Variants in ZFPM2 observed in about 807,000 individuals in gnomAD.
The protein encoded by ZFPM2 is zinc finger protein ZFPM2.
In ZFPM2, 20 loss-of-function variants were observed where a neutral mutation model predicts 98.6. The ratio of observed to expected loss-of-function variants is 0.20; its 90% CI spans 0.14 to 0.29. The LOEUF is 0.29. Among genes scored for constraint, ZFPM2 ranks in the 10% least tolerant of loss-of-function variants. The probability of loss-of-function intolerance (pLI) is 1.00; values close to 1 mark genes in which losing one functional copy is unlikely to be tolerated. For missense variants in ZFPM2, 1,310 were observed against 1,388.6 expected, an observed-to-expected ratio of 0.94 and a Z score of 0.90; for synonymous variants, 518 against 502.7, an observed-to-expected ratio of 1.03 and a Z score of -0.41.
At chr8:105,501,189 T>C (rs924858470) in intron 3 of ZFPM2, among the ~76,000 whole-genome samples, 1 of 151,268 alleles carries the variant, frequency 6.6e-6, no homozygotes, top group African/African-American at 2.4e-5. Context: ...TTTCTCTTTT[T>C]TTTTTTTTTT....
chr8:105,340,442 G>C (rs1251283411), intron 1 of ZFPM2, among the ~76,000 whole-genome samples: 1 of 151,812 alleles, frequency 6.6e-6, no homozygotes, highest in African/African-American at 2.4e-5. Context: ...AGAAACTCTG[G>C]CAATCATATA....
At chr8:105,774,814 C>T (rs1052104018) in intron 5 of ZFPM2, among the ~76,000 whole-genome samples, 1 of 152,038 alleles carries the variant, frequency 6.6e-6, no homozygotes, top group African/African-American at 2.4e-5. Flanking sequence ...GGCAGAATTT[C>T]TTCTAAGAAA....
At chr8:105,540,853 G>C (rs1421939785) in intron 3 of ZFPM2, among the ~76,000 whole-genome samples, 1 of 152,102 alleles carries the variant, frequency 6.6e-6, no homozygotes, top group Non-Finnish European at 1.5e-5. Flanking sequence ...GAAGATTGCA[G>C]CTGGAAGTAT....
At chr8:105,478,170 T>A (rs1328160399) in intron 3 of ZFPM2, among the ~76,000 whole-genome samples, 1 of 152,196 alleles carries the variant, frequency 6.6e-6, no homozygotes, top group East Asian at 1.9e-4. Flanking sequence ...GCTCACACAC[T>A]TGAGTTCAAG....
At chr8:105,538,802 A>G (rs1206019388) in intron 3 of ZFPM2, among the ~76,000 whole-genome samples, 2 of 152,158 alleles carry the variant, frequency 1.3e-5, no homozygotes, top group African/African-American at 4.8e-5. Context: ...GCTTGAGCCC[A>G]GGAATTTGAG....
intron 5 of ZFPM2, among the ~76,000 whole-genome samples, chr8:105,634,960 C>G (rs912666067): frequency 3.9e-5 from 6 of 152,092 alleles, no homozygotes; most frequent in African/African-American, 1.2e-4. Context: ...GTAGCTGCAC[C>G]CTGGCTACAA....
chr8:105,510,943 A>G (rs996984973), intron 3 of ZFPM2, among the ~76,000 whole-genome samples: 1 of 152,212 alleles, frequency 6.6e-6, no homozygotes, highest in African/African-American at 2.4e-5. Context: ...CGGGTTTCAC[A>G]TATTCACTTC....
At chr8:105,341,571 A>C (rs1812432430) in intron 1 of ZFPM2, among the ~76,000 whole-genome samples, 1 of 151,936 alleles carries the variant, frequency 6.6e-6, no homozygotes. Flanking sequence ...ATGCAATATT[A>C]ACACAGTTGA....
chr8:105,454,027 A>G (rs1812538300), intron 3 of ZFPM2, among the ~76,000 whole-genome samples: 1 of 152,158 alleles, frequency 6.6e-6, no homozygotes, highest in Non-Finnish European at 1.5e-5. Context: ...AATATTATCT[A>G]AAACTCAATT....
chr8:105,787,467 T>G (rs546482956), intron 5 of ZFPM2: 2 of 152,346 alleles, frequency 1.3e-5, no homozygotes, highest in South Asian at 4.1e-4. Flanking sequence ...CTTAATCAGC[T>G]GGCTTAATTA....
intron 5 of ZFPM2, among the ~76,000 whole-genome samples, chr8:105,692,925 C>A (rs1179544546): frequency 6.6e-6 from 1 of 152,098 alleles, no homozygotes; most frequent in African/African-American, 2.4e-5. Flanking sequence ...CTGCACAGAG[C>A]AATGACATTT....
At chr8:105,669,715 ATTC>A (rs1817553803) in intron 5 of ZFPM2, among the ~76,000 whole-genome samples, 2 of 152,106 alleles carry the variant, frequency 1.3e-5, no homozygotes, top group South Asian at 4.2e-4. Context: ...TACAAATATT[ATTC>A]TTCTCTCTAT....
At position 105,363,759 on chromosome 8, in the gene ZFPM2, G is replaced by T. The variant is rs530227037; in HGVS notation, c.40+44778G>T. On this transcript the variant is annotated intron_variant, in intron 1 of 7. Coordinates refer to ENST00000407775, the MANE Select transcript of ZFPM2 (RefSeq NM_012082.4). ...CTAAGTTTGGGGAAACTTAGGAATGGAGCAGGCAGATAGCTTTAGTGAAAA... is the reference window on the plus strand; with the variant it reads ...CTAAGTTTGGGGAAACTTAGGAATGTAGCAGGCAGATAGCTTTAGTGAAAA... 3.7e-4 allele frequency among the ~76,000 whole-genome samples: 57 copies of T among 152,174 alleles called. 1 individual carries two copies. Among genetic ancestry groups the T allele is most frequent in the African/African-American group, 1.3e-3 (54 of 41,530 alleles).
At chr8:105,503,709 T>C (rs947020065) in intron 3 of ZFPM2, among the ~76,000 whole-genome samples, 1 of 152,172 alleles carries the variant, frequency 6.6e-6, no homozygotes, top group African/African-American at 2.4e-5. Context: ...TATTAGCACA[T>C]AGTTCCAAGC....
chr8:105,664,429 G>A (rs990543009), intron 5 of ZFPM2, among the ~76,000 whole-genome samples: 1 of 151,660 alleles, frequency 6.6e-6, no homozygotes, highest in Non-Finnish European at 1.5e-5. Context: ...TCTGCCTCCG[G>A]GTTCAAGCGA....
At chr8:105,648,751 A>T (rs1817106641) in intron 5 of ZFPM2, among the ~76,000 whole-genome samples, 1 of 152,140 alleles carries the variant, frequency 6.6e-6, no homozygotes. Flanking sequence ...CTGTTTTGGT[A>T]CCAGTACCAT....
chr8:105,553,093 G>A (rs1184487619), intron 3 of ZFPM2, among the ~76,000 whole-genome samples: 2 of 151,956 alleles, frequency 1.3e-5, no homozygotes, highest in African/African-American at 4.8e-5. Context: ...TTACAGACGT[G>A]AACCATTGTA....
At position 105,522,138 on chromosome 8, in the gene ZFPM2, G is replaced by A. The variant is rs186782518; in HGVS notation, c.302-39225G>A. 7.9e-5 allele frequency among the ~76,000 whole-genome samples: 12 copies of A among 152,272 alleles called. No homozygotes were observed. The East Asian group carries it at 2.3e-3, about 29-fold the overall frequency. ...ATTTAGTCAATTGTCTTGCTATTTG[G>A]AAATAAATAAAATGAGATGAGACCT... On this transcript the variant is annotated intron_variant, in intron 3 of 7. Transcript: ENST00000407775.
intron 5 of ZFPM2, among the ~76,000 whole-genome samples, chr8:105,737,923 A>G (rs894347344): frequency 6.6e-6 from 1 of 151,950 alleles, no homozygotes; most frequent in African/African-American, 2.4e-5. Flanking sequence ...ATACAATAGT[A>G]TTTTTTGTAT....
Sources: allele counts gnomAD v4.1 joint callset (sites outside exome capture counted in the v4.1 genomes callset), GRCh38; gene constraint gnomAD v4.1.1; transcripts MANE v1.5; gene names NCBI Gene and HGNC (gene_info 2026-07-23, HGNC 2026-07-21).